ARHGAP39: variants seen among roughly 807,000 people sequenced by gnomAD.
The protein encoded by ARHGAP39 is Rho GTPase activating protein 39.
Under a neutral mutation model 106.9 loss-of-function variants are expected in ARHGAP39, and 44 were observed. The ratio of observed to expected loss-of-function variants is 0.41; its 90% CI spans 0.32 to 0.53. The LOEUF (loss-of-function observed/expected upper bound fraction) is 0.53. ARHGAP39 is among the 20% of genes least tolerant of loss of function. The pLI, the probability that ARHGAP39 is intolerant of heterozygous loss-of-function variation, is 0.21. For missense variants in ARHGAP39, 1,496 were observed against 1,577.3 expected, an observed-to-expected ratio of 0.95 and a Z score of 0.87; for synonymous variants, 768 against 693.2, an observed-to-expected ratio of 1.11 and a Z score of -1.69.
At chr8:144,534,861 T>G (rs113642003) in intron 7 of ARHGAP39, among the ~76,000 whole-genome samples, 15,151 of 152,232 alleles carry the variant, frequency 0.1, 2,457 homozygotes, top group African/African-American at 0.34. Context: ...CAGCACCTGA[T>G]GAGGGACTCA....
At chr8:144,620,235 C>A (rs1820765712) in intron 1 of ARHGAP39, among the ~76,000 whole-genome samples, 2 of 132,710 alleles carry the variant, frequency 1.5e-5, no homozygotes, top group Admixed American at 7.6e-5. Flanking sequence ...GTGTGTGTGC[C>A]CGTGTCTGTT....
intron 3 of ARHGAP39, among the ~76,000 whole-genome samples, chr8:144,565,994 A>C (rs934360786): frequency 1.3e-5 from 2 of 150,530 alleles, no homozygotes; most frequent in Non-Finnish European, 3.0e-5. Context: ...CTCAGGAAGC[A>C]GAGGTGGGAG....
In ARHGAP39 at chr8:144,684,162, C is replaced by T. The variant is rs1274113706; in HGVS notation, c.-82+1524G>A. 6.6e-6 allele frequency among the ~76,000 whole-genome samples: 1 copy of T among 152,230 alleles called. No homozygotes were observed. The stretch of plus-strand genomic sequence containing the variant: ...CCCTGCCTCTCAGGAAGACAGCTGG[C>T]TACACCAAGTGCAGGGAGCGAGGCG... On this transcript the variant is annotated intron_variant, in intron 1 of 11. Transcript: ENST00000377307. This position sits in a 1 kb window ranked among gnomAD's most constrained non-coding sequence, Gnocchi z 4.4.
At chr8:144,664,955 C>T (rs1367656091) in intron 1 of ARHGAP39, among the ~76,000 whole-genome samples, 1 of 152,136 alleles carries the variant, frequency 6.6e-6, no homozygotes, top group African/African-American at 2.4e-5. Context: ...GAGGTTGGAA[C>T]AGTTTGGAGG....
At chr8:144,688,165 G>A (rs139736019), upstream of ARHGAP39, among the ~76,000 whole-genome samples, 29 of 150,734 alleles carry the variant, frequency 1.9e-4, no homozygotes, top group African/African-American at 3.9e-4. Context: ...GTACAGTGGC[G>A]CCATCTTGGC....
chr8:144,627,970 C>A (rs1280938991), intron 1 of ARHGAP39, among the ~76,000 whole-genome samples: 1 of 152,216 alleles, frequency 6.6e-6, no homozygotes, highest in Non-Finnish European at 1.5e-5. Context: ...AACTCAGACT[C>A]TGGCCCAGCT....
chr8:144,605,372 C>T (rs920883756), intron 2 of ARHGAP39, among the ~76,000 whole-genome samples, 163 bp downstream of exon 2: 3 of 152,248 alleles, frequency 2.0e-5, no homozygotes, highest in African/African-American at 4.8e-5. Flanking sequence ...CTGAGGGCTG[C>T]ACTGTGCACA....
chr8:144,540,559 G>A (rs1817147628), intron 6 of ARHGAP39, among the ~76,000 whole-genome samples: 1 of 152,198 alleles, frequency 6.6e-6, no homozygotes, highest in African/African-American at 2.4e-5. Context: ...CCAGCACTTT[G>A]GGAGGCTAAG....
At chr8:144,608,739 T>G (rs1219862819) in intron 1 of ARHGAP39, among the ~76,000 whole-genome samples, 1 of 152,192 alleles carries the variant, frequency 6.6e-6, no homozygotes, top group African/African-American at 2.4e-5. Flanking sequence ...GCAAAACATC[T>G]CTCTCTAGTT....
rs1345676712 is a variant in ARHGAP39, at chr8:144,684,565, CCACAGCAGCTG to C, written c.-82+1110_-82+1120del. On this transcript the variant is annotated intron_variant, in intron 1 of 11. Coordinates refer to ENST00000377307, the MANE Select transcript of ARHGAP39 (RefSeq NM_025251.3). The surrounding 1 kb of genome is among the most constrained non-coding windows in gnomAD (Gnocchi z 4.4). ...CTGCGTTTCCGAAGCTGCGCAGCGC[CCACAGCAGCTG>C]CTGGTGGGAAGCGGCTCGGAACACA... Among the ~76,000 whole-genome samples the C allele has an allele frequency of 6.6e-6, 1 of 152,186 alleles. No homozygotes were observed. Among genetic ancestry groups the C allele is most frequent in the Admixed American group, 6.5e-5 (1 of 15,276 alleles).
At chr8:144,661,793 T>C (rs1034880137) in intron 1 of ARHGAP39, among the ~76,000 whole-genome samples, 7 of 151,990 alleles carry the variant, frequency 4.6e-5, no homozygotes, top group African/African-American at 1.7e-4. Context: ...TTATCCACCT[T>C]GGACCCCTCC....
chr8:144,555,446 C>G, intron 4 of ARHGAP39, 114 bp downstream of exon 4: 1 of 950,620 alleles, frequency 1.1e-6, no homozygotes, highest in Non-Finnish European at 1.7e-6. Context: ...CTTTCCAGCT[C>G]TGGGTCTGTG....
chr8:144,545,845 T>C, intron 5 of ARHGAP39, 35 bp from the exon 6 acceptor site: 1 of 1,042,208 alleles, frequency 9.6e-7, no homozygotes. Flanking sequence ...CTGTTGGGGG[T>C]GGGGGAGGGC....
Position 144,644,775 on chromosome 8 carries a change from C to T in ARHGAP39, c.-81-39080G>A, listed in dbSNP as rs1042822265. On this transcript the variant is annotated intron_variant, in intron 1 of 11. Coordinates refer to ENST00000377307, the MANE Select transcript of ARHGAP39 (RefSeq NM_025251.3). The surrounding 1 kb of genome is among the most constrained non-coding windows in gnomAD (Gnocchi z 4.8). ...CTTTCAGCACCAGGTGTCTGCACAG[C>T]TCTTGGCTGCACCTGCACTCTGAGT... is the stretch of plus-strand genomic sequence containing the variant. 1.3e-5 allele frequency among the ~76,000 whole-genome samples: 2 copies of T among 152,228 alleles called. No individual in the cohort carries two copies. The highest frequency in any genetic ancestry group is 2.9e-5 in the Non-Finnish European group (2 of 68,048).
At chr8:144,583,817 T>C (rs376198016) in intron 2 of ARHGAP39, among the ~76,000 whole-genome samples, 9 of 152,368 alleles carry the variant, frequency 5.9e-5, no homozygotes, top group African/African-American at 2.2e-4. Context: ...ACCCACATAT[T>C]ATCTTCCTAT....
At chr8:144,554,316 C>T (rs955205511) in intron 4 of ARHGAP39, among the ~76,000 whole-genome samples, 1 of 152,198 alleles carries the variant, frequency 6.6e-6, no homozygotes, top group African/African-American at 2.4e-5. Context: ...AGCGACCCAC[C>T]CCCTACTCCT....
At chr8:144,569,722 G>C (rs1019591476) in intron 3 of ARHGAP39, among the ~76,000 whole-genome samples, 4 of 152,206 alleles carry the variant, frequency 2.6e-5, no homozygotes, top group Admixed American at 2.6e-4. Flanking sequence ...ATGGTCATGG[G>C]TGTGTACATA....
At chr8:144,571,742 C>T (rs1047359560) in intron 3 of ARHGAP39, among the ~76,000 whole-genome samples, 5 of 152,232 alleles carry the variant, frequency 3.3e-5, no homozygotes, top group Non-Finnish European at 4.4e-5. Flanking sequence ...TAGAAAAACA[C>T]ACTGTCTCAG....
intron 1 of ARHGAP39, among the ~76,000 whole-genome samples, chr8:144,640,547 A>C (rs1821286952): frequency 6.6e-6 from 1 of 152,236 alleles, no homozygotes; most frequent in East Asian, 1.9e-4. Flanking sequence ...GTGTAAGTCC[A>C]TTAAACCCTT....
Sources: gnomAD v4.1 joint callset for allele counts (sites outside exome capture counted in the v4.1 genomes callset) on GRCh38, gnomAD v4.1.1 for gene constraint, Gnocchi (gnomAD v3.1) non-coding constraint, MANE v1.5 for transcripts, NCBI Gene and HGNC (gene_info 2026-07-23, HGNC 2026-07-21) for gene names.